Variants in PKD1L1 observed in about 807,000 individuals in gnomAD.
PKD1L1 encodes the protein polycystin-1-like protein 1.
A neutral mutation model predicts 323.4 loss-of-function variants in PKD1L1; 236 were observed. The ratio of observed to expected loss-of-function variants is 0.73; its 90% CI spans 0.66 to 0.81. PKD1L1 has a LOEUF of 0.81. Among genes scored for constraint, PKD1L1 ranks in the 40% least tolerant of loss-of-function variants. The pLI is 0.00. For synonymous variants in PKD1L1, 1,344 were observed against 1,335.0 expected, an observed-to-expected ratio of 1.01 and a Z score of -0.15; for missense variants, 3,320 against 3,508.0, an observed-to-expected ratio of 0.95 and a Z score of 1.35.
chr7:47,861,402 C>T (rs772877565), intron 26 of PKD1L1, among the ~76,000 whole-genome samples: 24 of 152,188 alleles, frequency 1.6e-4, no homozygotes, highest in Admixed American at 2.0e-4. Flanking sequence ...TTTGAATCTA[C>T]CCTTGAGGAG....
rs372060883 is a variant in PKD1L1, at chr7:47,812,342, T to G, written c.7347-291A>C. ...GGCCTCCATTTCCCACCCCAACCCA[T>G]GTGAGGCAGAGATGTCCACTCTCTC... On this transcript the variant is annotated intron_variant, in intron 49 of 56. Coordinates refer to ENST00000289672, the MANE Select transcript of PKD1L1 (RefSeq NM_138295.5). Among the ~76,000 whole-genome samples the G allele has an allele frequency of 6.6e-5, 10 of 152,060 alleles. No homozygotes were observed. The East Asian group carries it at 7.7e-4, about 12-fold the overall frequency.
At chr7:47,912,587 G>T (rs556074191) in intron 8 of PKD1L1, among the ~76,000 whole-genome samples, 5 of 151,878 alleles carry the variant, frequency 3.3e-5, no homozygotes, top group African/African-American at 1.2e-4. Flanking sequence ...AGGCTGAGGC[G>T]GGTGGATCGC....
intron 16 of PKD1L1, among the ~76,000 whole-genome samples, chr7:47,890,122 C>A (rs4292596): frequency 0.046 from 6,996 of 152,298 alleles, 386 homozygotes; most frequent in African/African-American, 0.14. Flanking sequence ...TGGGCCCACA[C>A]TGCTGTCCCC....
chr7:47,930,539 C>T lies in PKD1L1; in HGVS notation c.737+565G>A, dbSNP rs549297851. On this transcript the variant is annotated intron_variant, in intron 6 of 56. Coordinates refer to ENST00000289672, the MANE Select transcript of PKD1L1 (RefSeq NM_138295.5). ...ATAAAATAAAATACACACAGTCGGC[C>T]GGGTGCAGTGGCTCATGCCTGAATC... Among the ~76,000 whole-genome samples, 12 of 93,414 alleles carry T rather than the reference C, an allele frequency of 1.3e-4. No individual in the cohort carries two copies. In the East Asian group the frequency reaches 4.5e-3, roughly 35 times the overall value. 61.3% of individuals were successfully genotyped at this position (93,414 alleles called of 152,430 possible).
chr7:47,810,974 A>C (rs1019433691), intron 50 of PKD1L1, among the ~76,000 whole-genome samples: 1 of 151,902 alleles, frequency 6.6e-6, no homozygotes, highest in Middle Eastern at 3.2e-3. Context: ...ACACAAAGAG[A>C]CTCTAGACAG....
chr7:47,861,665 A>G (rs892947465), intron 26 of PKD1L1, among the ~76,000 whole-genome samples: 7 of 150,002 alleles, frequency 4.7e-5, no homozygotes, highest in South Asian at 2.1e-4. Context: ...GGCGGATCAC[A>G]AGGTCAGGAG....
At chr7:47,902,839 G>C (rs1787121580) in intron 12 of PKD1L1, among the ~76,000 whole-genome samples, 1 of 152,208 alleles carries the variant, frequency 6.6e-6, no homozygotes, top group African/African-American at 2.4e-5. Flanking sequence ...GCCATGACCT[G>C]GCCCCCTTTT....
chr7:47,855,006 G>A lies in PKD1L1; in HGVS notation c.4735C>T (p.Leu1579Phe). ...TGATGGAGATTCACTTTATCCCGAA[G>A]TAATACAAATGTCGTTTTATTTCTC... The part of the protein sequence containing the change: ...NRRNKTTFVL[L>F]RDKVNLHQFT... The change falls in exon 30 of 57, where the codon CTT (leucine) becomes TTT (phenylalanine). Residue 1579 changes from leucine to phenylalanine, a missense_variant. Transcript: ENST00000289672. The A allele has an allele frequency of 2.5e-6, 4 of 1,613,602 alleles. No individual in the cohort carries two copies. The highest frequency in any genetic ancestry group is 3.4e-6 in the Non-Finnish European group (4 of 1,179,922).
intron 15 of PKD1L1, 50 bp from the exon 16 acceptor site, chr7:47,890,813 G>A: frequency 6.5e-7 from 1 of 1,542,612 alleles, no homozygotes; most frequent in Non-Finnish European, 8.9e-7. Context: ...GGCAGAGTCA[G>A]GGACTACCCT....
intron 20 of PKD1L1, among the ~76,000 whole-genome samples, chr7:47,881,230 C>G (rs569451960): frequency 6.6e-6 from 1 of 151,936 alleles, no homozygotes; most frequent in Admixed American, 6.6e-5. Context: ...AACTGCTGAC[C>G]GTGGTGACTG....
In PKD1L1 at chr7:47,827,400, C is replaced by T. The variant is rs1192421535; in HGVS notation, c.6804G>A (p.Arg2268=). Residue 2268 remains arginine, a synonymous_variant, in exon 45 of 57, where the codon AGG becomes AGA. Transcript: ENST00000289672. ...WAHPPSKAQL[R]GTRQRMRRES... ...CTCTCCTCATCCTCTGTCTGGTGCC[C>T]CTCAGCTGGGCCTTGGATGGTGGAT... The T allele has an allele frequency of 1.4e-5, 22 of 1,613,426 alleles. No homozygotes were observed. Among genetic ancestry groups the T allele is most frequent in the Non-Finnish European group, 1.9e-5 (22 of 1,179,852 alleles).
At chr7:47,823,179 T>A (rs535317567) in intron 45 of PKD1L1, among the ~76,000 whole-genome samples, 1 of 152,200 alleles carries the variant, frequency 6.6e-6, no homozygotes, top group Admixed American at 6.5e-5. Context: ...CTATTAAGTA[T>A]GATGTTAGGT....
intron 37 of PKD1L1, among the ~76,000 whole-genome samples, chr7:47,836,291 A>C (rs1785456357): frequency 6.6e-6 from 1 of 152,142 alleles, no homozygotes; most frequent in African/African-American, 2.4e-5. Flanking sequence ...TTGTCACCAC[A>C]TTCTGCAGCC....
intron 7 of PKD1L1, among the ~76,000 whole-genome samples, chr7:47,920,898 G>A (rs1223851817): frequency 6.6e-6 from 1 of 152,096 alleles, no homozygotes; most frequent in African/African-American, 2.4e-5. Context: ...AACTCAAGAT[G>A]GATTAAGGAC....
At chr7:47,907,723 G>A (rs1374230102) in intron 9 of PKD1L1, among the ~76,000 whole-genome samples, 1 of 152,138 alleles carries the variant, frequency 6.6e-6, no homozygotes, top group Admixed American at 6.5e-5. Context: ...CACCTCAGAT[G>A]TGCCCTGTCC....
chr7:47,942,064 C>T (rs1787999565), intron 2 of PKD1L1, among the ~76,000 whole-genome samples: 1 of 152,124 alleles, frequency 6.6e-6, no homozygotes, highest in African/African-American at 2.4e-5. Flanking sequence ...GGAAACCAAC[C>T]CAGGAAAGGG....
rs369921798 is a variant in PKD1L1, at chr7:47,905,324, G to A, written c.1524C>T (p.Ser508=). ...HSMTVWYKMQ[S]VSVYTNGTVF... ...CAGTTCCATTTGTGTAGACAGAGAC[G>A]GCTGTGGCAAAAGAAAGGAAGGTAT... is the stretch of plus-strand genomic sequence containing the variant. Residue 508 remains serine, a splice_region_variant and synonymous_variant, in exon 11 of 57, where the codon TCC becomes TCT. Transcript: ENST00000289672. 51 of 1,613,062 alleles carry A rather than the reference G, an allele frequency of 3.2e-5. No homozygotes were observed. The highest frequency in any genetic ancestry group is 3.9e-5 in the Non-Finnish European group (46 of 1,179,664).
In PKD1L1 at chr7:47,898,053, G is replaced by A. The variant is rs367993253; in HGVS notation, c.2206C>T (p.His736Tyr). ...CTCGGGAGGATGAGGGTCTGTCTGTGAGTGTCCACAGCAGCAGGGAGGGAG... is the reference window on the plus strand; with the variant it reads ...CTCGGGAGGATGAGGGTCTGTCTGTAAGTGTCCACAGCAGCAGGGAGGGAG... Reference protein sequence around the residue: ...PVSLPAAVDTHRQTLILPSHT... With the variant: ...PVSLPAAVDTYRQTLILPSHT... The change falls in exon 14 of 57, where the codon CAC becomes TAC. Residue 736 changes from histidine to tyrosine, a missense_variant. His to Tyr is a moderately conservative substitution (Grantham distance 83). Transcript: ENST00000289672. The A allele has an allele frequency of 8.1e-6, 13 of 1,613,668 alleles. No homozygotes were observed. The highest frequency in any genetic ancestry group is 1.0e-5 in the Non-Finnish European group (12 of 1,180,002).
intron 56 of PKD1L1, among the ~76,000 whole-genome samples, chr7:47,790,637 TAA>T (rs1445674421): frequency 6.6e-6 from 1 of 152,172 alleles, no homozygotes; most frequent in African/African-American, 2.4e-5. Context: ...GGCCATAACT[TAA>T]ATAATTTTAA....
Sources: allele counts gnomAD v4.1 joint callset (sites outside exome capture counted in the v4.1 genomes callset), GRCh38; gene constraint gnomAD v4.1.1; transcripts MANE v1.5; gene names NCBI Gene and HGNC (gene_info 2026-07-23, HGNC 2026-07-21).